The following PCDH15 variants were observed in gnomAD, a reference collection of about 807,000 sequenced individuals.
PCDH15 encodes protocadherin related 15, also known as protocadherin-15.
Under a neutral mutation model 178.5 loss-of-function variants are expected in PCDH15, and 129 were observed. The observed-to-expected ratio is 0.72, with a 90% CI of 0.63 to 0.84. The LOEUF (loss-of-function observed/expected upper bound fraction) is 0.84, where lower values mean the gene tolerates loss of function less well. Among genes scored for constraint, PCDH15 ranks in the 40% least tolerant of loss-of-function variants. The probability of loss-of-function intolerance (pLI) is 0.00; values close to 1 mark genes in which losing one functional copy is unlikely to be tolerated. For missense variants in PCDH15, 2,230 were observed against 2,099.9 expected (o/e 1.06, Z -1.21); for synonymous variants, 800 against 732.0 (o/e 1.09, Z -1.50).
rs1008711616 is a variant in PCDH15 at position 53,805,171 on chromosome 10, A to G, written c.*1408T>C. The G allele has an allele frequency of 6.6e-6, 1 of 152,058 alleles. No homozygotes were observed. Among genetic ancestry groups the G allele is most frequent in the Non-Finnish European group, 1.5e-5 (1 of 67,960 alleles). The allele number at this position is 152,058 out of a possible 1,614,324, so 9.4% of individuals were successfully genotyped here. A position where few individuals can be genotyped will look rare whatever the true frequency, so the allele number is the denominator to read the frequency against. On this transcript the variant is annotated 3_prime_UTR_variant, in exon 38 of 38. Transcript: ENST00000644397. ...CGCGAAACATGTAAGAGGGGAATAA[A>G]TAATAGTGCATTATTCAGTCCTTCA...
intron 8 of PCDH15, among the ~76,000 whole-genome samples, chr10:54,314,595 G>A (rs1260220403): frequency 2.6e-5 from 4 of 152,044 alleles, no homozygotes; most frequent in Non-Finnish European, 4.4e-5. Context: ...AGGTGAAGTC[G>A]TGTCATGGGA....
chr10:54,705,657 C>G (rs2095358473), intron 1 of PCDH15, among the ~76,000 whole-genome samples: 1 of 152,040 alleles, frequency 6.6e-6, no homozygotes, highest in African/African-American at 2.4e-5. Flanking sequence ...GCATAGAGAC[C>G]ATTTTCTTCT....
At chr10:55,578,811 G>A (rs1326180135) in intron 2 of PCDH15, among the ~76,000 whole-genome samples, 1 of 152,046 alleles carries the variant, frequency 6.6e-6, no homozygotes, top group African/African-American at 2.4e-5. Flanking sequence ...TAGTGTGCAG[G>A]GGAATTCTCA....
intron 3 of PCDH15, among the ~76,000 whole-genome samples, chr10:54,461,563 A>G (rs1015315739): frequency 6.6e-6 from 1 of 152,184 alleles, no homozygotes; most frequent in African/African-American, 2.4e-5. Flanking sequence ...CATATATAGC[A>G]ACACATGTTG....
intron 2 of PCDH15, among the ~76,000 whole-genome samples, chr10:55,522,170 C>T (rs1040543950): frequency 5.9e-5 from 9 of 151,822 alleles, no homozygotes; most frequent in African/African-American, 2.2e-4. Flanking sequence ...TCCAATAATA[C>T]TTAAGAATTC....
At chr10:55,541,665 C>T (rs1038494977) in intron 2 of PCDH15, among the ~76,000 whole-genome samples, 1 of 151,886 alleles carries the variant, frequency 6.6e-6, no homozygotes, top group African/African-American at 2.4e-5. Context: ...AACAACTGAA[C>T]TATCCACAGG....
At chr10:53,871,191 AT>A (rs2079819975) in intron 26 of PCDH15, among the ~76,000 whole-genome samples, 1 of 138,394 alleles carries the variant, frequency 7.2e-6, no homozygotes, top group South Asian at 2.4e-4. Flanking sequence ...AAAAAAAAAA[AT>A]TAGCTGGGCG....
intron 2 of PCDH15, among the ~76,000 whole-genome samples, chr10:55,066,884 ATAC>A (rs1841580303): frequency 1.3e-5 from 2 of 151,794 alleles, no homozygotes; most frequent in African/African-American, 4.8e-5. Context: ...AATATTTTTT[ATAC>A]TACAAAATAA....
intron 3 of PCDH15, among the ~76,000 whole-genome samples, chr10:54,857,864 A>G (rs1042195254): frequency 3.3e-5 from 5 of 152,310 alleles, no homozygotes; most frequent in African/African-American, 1.2e-4. Flanking sequence ...ATATAAATGT[A>G]TGGGTTACAA....
chr10:54,518,402 A>G (rs1565483827), intron 3 of PCDH15, among the ~76,000 whole-genome samples: 1 of 152,200 alleles, frequency 6.6e-6, no homozygotes, highest in Non-Finnish European at 1.5e-5. Flanking sequence ...CCACAGAAAT[A>G]CAAACTACCA....
intron 3 of PCDH15, among the ~76,000 whole-genome samples, chr10:54,502,182 C>A (rs1316763465): frequency 6.6e-6 from 1 of 152,068 alleles, no homozygotes; most frequent in South Asian, 2.1e-4. Flanking sequence ...GATAACATTT[C>A]CTCACTTGTA....
At chr10:54,447,010 T>TCC (rs1413447404) in intron 3 of PCDH15, among the ~76,000 whole-genome samples, 1 of 151,518 alleles carries the variant, frequency 6.6e-6, no homozygotes, top group African/African-American at 2.4e-5. Context: ...TCCCTAAAAC[T>TCC]CCCCCTCTCT....
At chr10:54,907,709 C>CA (rs1220655206) in intron 2 of PCDH15, among the ~76,000 whole-genome samples, 2 of 152,028 alleles carry the variant, frequency 1.3e-5, no homozygotes, top group Non-Finnish European at 2.9e-5. Context: ...TCTGTAAGCA[C>CA]AATAATAAAC....
chr10:54,875,948 C>T (rs778219981), intron 3 of PCDH15, among the ~76,000 whole-genome samples: 1 of 152,078 alleles, frequency 6.6e-6, no homozygotes, highest in African/African-American at 2.4e-5. Context: ...GATGAAAGAA[C>T]CTTCCATTGA....
chr10:54,034,494 A>G lies in PCDH15; in HGVS notation c.2221-11297T>C, dbSNP rs2093371220. Among the ~76,000 whole-genome samples, 4 of 152,078 alleles carry G rather than the reference A, an allele frequency of 2.6e-5. No homozygotes were observed. In the South Asian group the frequency reaches 8.3e-4, roughly 31 times the overall value. ...TGTATGTTAGGTATTCATTTTGCTGACAACAATTCACTGAAGTAACTGAGG... is the reference window on the plus strand; with the variant it reads ...TGTATGTTAGGTATTCATTTTGCTGGCAACAATTCACTGAAGTAACTGAGG... On this transcript the variant is annotated intron_variant, in intron 18 of 37. Transcript: ENST00000644397.
At chr10:54,306,025 G>A (rs2060446362) in intron 8 of PCDH15, among the ~76,000 whole-genome samples, 1 of 151,892 alleles carries the variant, frequency 6.6e-6, no homozygotes, top group Non-Finnish European at 1.5e-5. Flanking sequence ...TTAATAAGAA[G>A]CTATCATAGC....
intron 19 of PCDH15, among the ~76,000 whole-genome samples, chr10:54,020,934 G>T (rs2092902646): frequency 6.6e-6 from 1 of 151,918 alleles, no homozygotes; most frequent in Non-Finnish European, 1.5e-5. Flanking sequence ...TTGTCACAGG[G>T]ATCCTATAAT....
intron 2 of PCDH15, among the ~76,000 whole-genome samples, chr10:55,402,950 A>G (rs1387324519): frequency 6.6e-6 from 1 of 151,938 alleles, no homozygotes; most frequent in East Asian, 1.9e-4. Context: ...ACAGTATATG[A>G]GAGTTTTTCT....
chr10:54,095,938 T>C (rs2094691679), intron 15 of PCDH15, among the ~76,000 whole-genome samples: 1 of 152,140 alleles, frequency 6.6e-6, no homozygotes, highest in African/African-American at 2.4e-5. Context: ...TTAGAACTAA[T>C]GTAAATATTC....
Sources: gnomAD v4.1 joint callset for allele counts (sites outside exome capture counted in the v4.1 genomes callset) on GRCh38, gnomAD v4.1.1 for gene constraint, MANE v1.5 for transcripts, NCBI Gene and HGNC (gene_info 2026-07-23, HGNC 2026-07-21) for gene names.